Variants in PNPT1 observed in about 807,000 individuals in gnomAD.
PNPT1 encodes the protein polyribonucleotide nucleotidyltransferase 1, mitochondrial.
In PNPT1, 53 loss-of-function variants were observed where a neutral mutation model predicts 119.5. The observed-to-expected ratio is 0.44, with a 90% CI of 0.36 to 0.56. The LOEUF is 0.56. Among genes scored for constraint, PNPT1 ranks in the 20% least tolerant of loss-of-function variants. The probability of loss-of-function intolerance (pLI) is 0.00; values close to 1 mark genes in which losing one functional copy is unlikely to be tolerated. For synonymous variants in PNPT1, 357 were observed against 322.1 expected (o/e 1.11, Z -1.16); for missense variants, 948 against 938.5 (o/e 1.01, Z -0.13).
chr2:55,674,614 G>A (rs929240517), intron 8 of PNPT1, among the ~76,000 whole-genome samples: 1 of 152,062 alleles, frequency 6.6e-6, no homozygotes, highest in African/African-American at 2.4e-5. Flanking sequence ...TAAATAAATA[G>A]AGAAAAAGAG....
intron 1 of PNPT1, among the ~76,000 whole-genome samples, chr2:55,692,665 A>G (rs1315307978): frequency 6.6e-6 from 1 of 152,210 alleles, no homozygotes; most frequent in East Asian, 1.9e-4. Flanking sequence ...AGTCTTAACT[A>G]TAAAATGAGG....
intron 9 of PNPT1, 102 bp from the exon 10 acceptor site, chr2:55,672,148 CT>C: frequency 2.4e-6 from 2 of 837,636 alleles, no homozygotes; most frequent in Non-Finnish European, 3.7e-6. Flanking sequence ...TCAGCTAAAA[CT>C]TTAATAAATA....
intron 8 of PNPT1, among the ~76,000 whole-genome samples, chr2:55,676,500 T>A (rs1697076935): frequency 6.6e-6 from 1 of 152,182 alleles, no homozygotes; most frequent in South Asian, 2.1e-4. Context: ...AGAATGTTGG[T>A]GTTGAAGTAA....
intron 11 of PNPT1, 135 bp from the exon 12 acceptor site, chr2:55,668,093 GCAAA>G (rs1696796392): frequency 1.4e-6 from 1 of 708,434 alleles, no homozygotes; most frequent in Non-Finnish European, 2.3e-6. Context: ...TAGTCCTCAG[GCAAA>G]CAAAGTAGAT....
intron 17 of PNPT1, among the ~76,000 whole-genome samples, chr2:55,655,836 C>T (rs1338632768): frequency 4.6e-5 from 7 of 152,158 alleles, no homozygotes; most frequent in South Asian, 2.1e-4. Flanking sequence ...TATTTTGGCC[C>T]TTCCTCTCTC....
At chr2:55,641,155 C>A (rs1368587586) in intron 25 of PNPT1, among the ~76,000 whole-genome samples, 3 of 152,002 alleles carry the variant, frequency 2.0e-5, no homozygotes, top group Admixed American at 2.0e-4. Context: ...ACCCGAAAGG[C>A]GGAGGTGGCA....
chr2:55,662,223 A>G (rs1696601541), intron 13 of PNPT1, among the ~76,000 whole-genome samples, 197 bp from the exon 14 acceptor site: 1 of 152,174 alleles, frequency 6.6e-6, no homozygotes, highest in Admixed American at 6.5e-5. Context: ...CAATAATCCA[A>G]AGTTCTAACA....
chr2:55,690,337 C>A (rs1317446175), intron 1 of PNPT1, among the ~76,000 whole-genome samples: 2 of 42,176 alleles, frequency 4.7e-5, no homozygotes, highest in African/African-American at 2.3e-4. Flanking sequence ...AGTCAGTGAC[C>A]CCTGAAGATA....
chr2:55,636,871 AAACAACAAC>A (rs144358783), intron 27 of PNPT1, among the ~76,000 whole-genome samples: 15,593 of 151,370 alleles, frequency 0.1, 951 homozygotes, highest in East Asian at 0.19. Context: ...TCTGATGTGA[AAACAACAAC>A]AACAACAACA....
chr2:55,675,223 T>C (rs878124), intron 8 of PNPT1, among the ~76,000 whole-genome samples: 17,957 of 151,672 alleles, frequency 0.12, 1,351 homozygotes, highest in East Asian at 0.25. Flanking sequence ...CAGTGAGCCA[T>C]GATCACGCCA....
intron 13 of PNPT1, among the ~76,000 whole-genome samples, chr2:55,663,515 G>A (rs995029946): frequency 3.3e-5 from 5 of 152,276 alleles, no homozygotes; most frequent in African/African-American, 9.6e-5. Context: ...ACAGATTTAG[G>A]CTCAGGACAC....
At chr2:55,665,167 T>C (rs1696695730) in intron 13 of PNPT1, among the ~76,000 whole-genome samples, 2 of 152,286 alleles carry the variant, frequency 1.3e-5, no homozygotes, top group East Asian at 1.9e-4. Flanking sequence ...ACTTTGACTA[T>C]CATATGGTGA....
At chr2:55,691,848 T>TTATATATATATATATATATATA (rs869195974) in intron 1 of PNPT1, among the ~76,000 whole-genome samples, 1 of 87,234 alleles carries the variant, frequency 1.1e-5, no homozygotes, top group Non-Finnish European at 2.2e-5. Context: ...TTAAAAATGT[T>TTATATATATATATATATATATA]TATATATATA....
rs1291515854 is a variant in PNPT1 at position 55,671,989 on chromosome 2, A to G, written c.918+6T>C. The G allele has an allele frequency of 1.3e-6, 2 of 1,590,990 alleles. No individual in the cohort carries two copies. Among genetic ancestry groups the G allele is most frequent in the African/African-American group, 2.7e-5 (2 of 73,838 alleles). ...ATTATGGAAGACAAAACTCAGGTAT[A>G]CCTACTTTGTCATGCTCGTAATCTG... is the stretch of plus-strand genomic sequence containing the variant. On this transcript the variant is annotated splice_donor_region_variant and intron_variant, in intron 10 of 27. Coordinates refer to ENST00000447944, the MANE Select transcript of PNPT1 (RefSeq NM_033109.5).
intron 13 of PNPT1, among the ~76,000 whole-genome samples, chr2:55,664,406 A>C (rs1696671236): frequency 6.6e-6 from 1 of 152,224 alleles, no homozygotes; most frequent in African/African-American, 2.4e-5. Context: ...ATTCAAGACT[A>C]GCCTGGGCAA....
intron 9 of PNPT1, 38 bp from the exon 10 acceptor site, chr2:55,672,084 C>G (rs1465649791): frequency 6.1e-6 from 9 of 1,486,286 alleles, no homozygotes; most frequent in South Asian, 2.5e-5. Flanking sequence ...ATAATAATAT[C>G]TGGAAACAAG....
intron 17 of PNPT1, 109 bp downstream of exon 17, chr2:55,656,022 A>G: frequency 7.4e-7 from 1 of 1,350,896 alleles, no homozygotes; most frequent in Non-Finnish European, 9.9e-7. Flanking sequence ...CTTGCAACAA[A>G]CTTGGGTTCT....
chr2:55,686,518 T>TC (rs1697410321), intron 2 of PNPT1, 74 bp from the exon 3 acceptor site: 6 of 1,077,754 alleles, frequency 5.6e-6, no homozygotes, highest in Non-Finnish European at 8.2e-6. Flanking sequence ...ACTGAATAAA[T>TC]CCTTACTCCA....
intron 14 of PNPT1, among the ~76,000 whole-genome samples, 193 bp downstream of exon 14, chr2:55,661,763 T>C (rs1696583388): frequency 6.6e-6 from 1 of 152,166 alleles, no homozygotes; most frequent in Non-Finnish European, 1.5e-5. Context: ...TAATATTTGT[T>C]CCAAATCAGT....
Sources: allele counts gnomAD v4.1 joint callset (sites outside exome capture counted in the v4.1 genomes callset), GRCh38; gene constraint gnomAD v4.1.1; transcripts MANE v1.5; gene names NCBI Gene and HGNC (gene_info 2026-07-23, HGNC 2026-07-21).